The following SLC24A3 variants were observed in gnomAD, a reference collection of about 807,000 sequenced individuals.
SLC24A3 encodes sodium/potassium/calcium exchanger 3.
SLC24A3 carries 28 observed loss-of-function variants against 75.8 expected under a neutral mutation model. The ratio of observed to expected loss-of-function variants is 0.37; its 90% CI spans 0.27 to 0.51. The LOEUF (loss-of-function observed/expected upper bound fraction) is 0.51, where lower values mean the gene tolerates loss of function less well. Among genes scored for constraint, SLC24A3 ranks in the 20% least tolerant of loss-of-function variants. The probability of loss-of-function intolerance (pLI) is 0.94; values close to 1 mark genes in which losing one functional copy is unlikely to be tolerated. For missense variants in SLC24A3, 663 were observed against 847.8 expected (o/e 0.78, Z 2.71); for synonymous variants, 372 against 334.1 (o/e 1.11, Z -1.24).
chr20:19,331,455 T>C (rs1230647988), intron 2 of SLC24A3, among the ~76,000 whole-genome samples: 1 of 150,586 alleles, frequency 6.6e-6, no homozygotes, highest in Non-Finnish European at 1.5e-5. Context: ...AGATAGATGA[T>C]AGAGAGAGAT....
chr20:19,539,751 A>G (rs1157113674), intron 3 of SLC24A3, among the ~76,000 whole-genome samples: 1 of 152,204 alleles, frequency 6.6e-6, no homozygotes, highest in Admixed American at 6.5e-5. Context: ...ATGAAGACCC[A>G]AAGACCCAGG....
At chr20:19,396,646 C>T (rs1367633399) in intron 2 of SLC24A3, among the ~76,000 whole-genome samples, 1 of 152,176 alleles carries the variant, frequency 6.6e-6, no homozygotes, top group Non-Finnish European at 1.5e-5. Flanking sequence ...TGGAATGAAA[C>T]ATGATCAGTA....
Position 19,556,665 on chromosome 20 carries a change from A to C in SLC24A3, c.349-23335A>C, listed in dbSNP as rs375568703. 4.7e-4 allele frequency among the ~76,000 whole-genome samples: 71 copies of C among 152,014 alleles called. No individual in the cohort carries two copies. The Middle Eastern group carries it at 0.01, about 22-fold the overall frequency. On this transcript the variant is annotated intron_variant, in intron 3 of 16. Coordinates refer to ENST00000328041, the MANE Select transcript of SLC24A3 (RefSeq NM_020689.4). ...TCACTGCTACAAACGGCTTGTCACA[A>C]CTGGTTGGGACACTGTTGCCCAAGT...
chr20:19,611,487 G>A (rs1442462405), intron 6 of SLC24A3, among the ~76,000 whole-genome samples: 2 of 152,188 alleles, frequency 1.3e-5, no homozygotes, highest in Non-Finnish European at 2.9e-5. Context: ...CATCCATAAA[G>A]CCACTGGACA....
intron 2 of SLC24A3, among the ~76,000 whole-genome samples, chr20:19,389,556 T>C (rs1181989220): frequency 5.9e-5 from 9 of 152,152 alleles, no homozygotes; most frequent in Non-Finnish European, 1.2e-4. Flanking sequence ...CACTGTACTC[T>C]TTCCTGACCT....
intron 6 of SLC24A3, among the ~76,000 whole-genome samples, chr20:19,606,237 A>G (rs2031596490): frequency 6.6e-6 from 1 of 152,188 alleles, no homozygotes; most frequent in Non-Finnish European, 1.5e-5. Flanking sequence ...GCCAGTGTGC[A>G]TAGCCTTGTC....
intron 1 of SLC24A3, among the ~76,000 whole-genome samples, chr20:19,218,545 T>G (rs1981624594): frequency 6.6e-6 from 1 of 152,242 alleles, no homozygotes; most frequent in Non-Finnish European, 1.5e-5. Context: ...AGCAGTATTT[T>G]AGAAACACAT....
chr20:19,507,136 C>T (rs970686784), intron 2 of SLC24A3, among the ~76,000 whole-genome samples: 2 of 152,126 alleles, frequency 1.3e-5, no homozygotes, highest in Non-Finnish European at 2.9e-5. Flanking sequence ...GTTCAGGGGC[C>T]TTTATTTATG....
At chr20:19,431,721 CA>C (rs5840841) in intron 2 of SLC24A3, among the ~76,000 whole-genome samples, 65,040 of 147,886 alleles carry the variant, frequency 0.44, 14,469 homozygotes, top group East Asian at 0.82. Context: ...AGATTCACTT[CA>C]AAAAAAAAAA....
chr20:19,424,745 CAAAAAAAAAAAAAAAAA>C (rs528342351), intron 2 of SLC24A3, among the ~76,000 whole-genome samples: 4 of 49,150 alleles, frequency 8.1e-5, no homozygotes, highest in South Asian at 1.9e-3. Context: ...AAAACAACAA[CAAAAAAAAAAAAAAAAA>C]AAAAAAAAAC....
chr20:19,438,872 C>G (rs1292346089), intron 2 of SLC24A3, among the ~76,000 whole-genome samples: 1 of 152,160 alleles, frequency 6.6e-6, no homozygotes, highest in African/African-American at 2.4e-5. Flanking sequence ...ACAGGGTAGG[C>G]AATATAGACA....
At chr20:19,564,041 C>T (rs977640752) in intron 3 of SLC24A3, among the ~76,000 whole-genome samples, 5 of 152,044 alleles carry the variant, frequency 3.3e-5, no homozygotes, top group African/African-American at 1.2e-4. Context: ...CAGTAGATAC[C>T]TAGACAGAAG....
At chr20:19,696,968 A>T (rs556886086) in intron 14 of SLC24A3, 57 bp downstream of exon 14, 1 of 316,146 alleles carries the variant, frequency 3.2e-6, no homozygotes, top group African/African-American at 3.4e-5. Flanking sequence ...AGAGGGAGGG[A>T]AGAAGGGAGG....
intron 1 of SLC24A3, among the ~76,000 whole-genome samples, chr20:19,261,142 C>T (rs535514948): frequency 1.3e-5 from 2 of 152,226 alleles, no homozygotes; most frequent in Non-Finnish European, 2.9e-5. Context: ...GCAAGGAATC[C>T]CCTTGGAAAG....
intron 2 of SLC24A3, among the ~76,000 whole-genome samples, chr20:19,422,533 G>A (rs551094858): frequency 4.7e-4 from 71 of 152,306 alleles, no homozygotes; most frequent in Non-Finnish European, 7.9e-4. Flanking sequence ...AACATCTTCT[G>A]TAGTTTTGTT....
In SLC24A3 at chr20:19,343,403, GGGGGAA is replaced by G. The variant is rs1232641325; in HGVS notation, c.271+62319_271+62324del. ...GTGGATAATAAAAGGACCAAGGTAT[GGGGGAA>G]GGTTAAATGAATTAACACACGTGAA... On this transcript the variant is annotated intron_variant, in intron 2 of 16. Transcript: ENST00000328041. 2.6e-5 allele frequency among the ~76,000 whole-genome samples: 4 copies of G among 152,196 alleles called. No homozygotes were observed. In the East Asian group the frequency reaches 7.7e-4, roughly 29 times the overall value.
intron 2 of SLC24A3, among the ~76,000 whole-genome samples, chr20:19,509,334 A>C (rs563418139): frequency 7.9e-5 from 12 of 152,312 alleles, no homozygotes; most frequent in Admixed American, 2.6e-4. Context: ...TGCGCTGAGT[A>C]CTTTTGGATT....
At chr20:19,236,394 G>T (rs1035208257) in intron 1 of SLC24A3, among the ~76,000 whole-genome samples, 4 of 152,168 alleles carry the variant, frequency 2.6e-5, no homozygotes, top group African/African-American at 7.2e-5. Context: ...CCTCCCAGGG[G>T]GTTGATAGAC....
In SLC24A3 at chr20:19,484,096, T is replaced by A. The variant is rs376706114; in HGVS notation, c.272-31392T>A. Among the ~76,000 whole-genome samples, 74 of 152,318 alleles carry A rather than the reference T, an allele frequency of 4.9e-4. 1 individual carries two copies. The South Asian group carries it at 5.4e-3, about 11-fold the overall frequency. On this transcript the variant is annotated intron_variant, in intron 2 of 16. Coordinates refer to ENST00000328041, the MANE Select transcript of SLC24A3 (RefSeq NM_020689.4). ...GTGGACTCAAATGTCCACCAAAAGA[T>A]AAATGGATAAATAAAATGTGGTAAG...
Sources: allele counts gnomAD v4.1 joint callset (sites outside exome capture counted in the v4.1 genomes callset), GRCh38; gene constraint gnomAD v4.1.1; transcripts MANE v1.5; gene names NCBI Gene and HGNC (gene_info 2026-07-23, HGNC 2026-07-21).